Variants in CDKL3 observed in about 807,000 individuals in gnomAD.
The protein encoded by CDKL3 is cyclin-dependent kinase-like 3.
CDKL3 carries 65 observed loss-of-function variants against 69.3 expected under a neutral mutation model. That is an observed-to-expected ratio of 0.94 (90% confidence interval 0.77 to 1.15). The LOEUF (loss-of-function observed/expected upper bound fraction) is 1.15, where lower values mean the gene tolerates loss of function less well. Among genes scored for constraint, CDKL3 ranks in the 50% most tolerant of loss-of-function variants. The probability of loss-of-function intolerance (pLI) is 0.00; values close to 1 mark genes in which losing one functional copy is unlikely to be tolerated. For missense variants in CDKL3, 652 were observed against 689.2 expected, an observed-to-expected ratio of 0.95 and a Z score of 0.61; for synonymous variants, 202 against 221.6, an observed-to-expected ratio of 0.91 and a Z score of 0.79.
intron 4 of CDKL3, among the ~76,000 whole-genome samples, chr5:134,347,439 C>A (rs1381465388): frequency 1.3e-5 from 2 of 151,924 alleles, no homozygotes; most frequent in Non-Finnish European, 2.9e-5. Context: ...CATACAAAAA[C>A]AAGTTACACG....
At chr5:134,284,179 A>G (rs767797527), downstream of CDKL3, among the ~76,000 whole-genome samples, 1 of 152,148 alleles carries the variant, frequency 6.6e-6, no homozygotes, top group Non-Finnish European at 1.5e-5. Context: ...AGCCCCCAAT[A>G]TTTCAACGTA....
downstream of CDKL3, chr5:134,298,254 C>T (rs1016231010): frequency 3.0e-5 from 30 of 985,070 alleles, no homozygotes; most frequent in African/African-American, 8.7e-5. Context: ...TTTAAAACAA[C>T]GGCTCAAATA....
chr5:134,337,513 A>T (rs544196246), intron 4 of CDKL3, among the ~76,000 whole-genome samples: 1 of 152,210 alleles, frequency 6.6e-6, no homozygotes, highest in South Asian at 2.1e-4. Flanking sequence ...CTCCTTTCTT[A>T]AAACAAGTTA....
At chr5:134,329,947 T>C (rs1452415992) in intron 4 of CDKL3, among the ~76,000 whole-genome samples, 1 of 151,184 alleles carries the variant, frequency 6.6e-6, no homozygotes, top group African/African-American at 2.4e-5. Flanking sequence ...AAGGTGGAGA[T>C]TGCAGTGAGG....
chr5:134,299,763 T>C lies in CDKL3; in HGVS notation c.1720-1053A>G, dbSNP rs1048418705. The C allele has an allele frequency of 4.0e-6, 6 of 1,485,202 alleles. No homozygotes were observed. The Admixed American group carries it at 1.2e-4, about 29-fold the overall frequency. 92.0% of individuals were successfully genotyped at this position (1,485,202 alleles called of 1,614,324 possible). ...CATTTCCTGTATTCTAAAAAGTAAA[T>C]AGAAACAGGTCTTTAATTGAGGACA... On this transcript the variant is annotated intron_variant, in intron 12 of 12. Transcript: ENST00000265334.
intron 4 of CDKL3, among the ~76,000 whole-genome samples, chr5:134,323,614 T>G (rs939671612): frequency 6.6e-6 from 1 of 151,926 alleles, no homozygotes; most frequent in Non-Finnish European, 1.5e-5. Context: ...AATTGAATAA[T>G]AAGATAAAAA....
chr5:134,333,715 C>A (rs1447802828), intron 4 of CDKL3, among the ~76,000 whole-genome samples: 1 of 152,124 alleles, frequency 6.6e-6, no homozygotes, highest in African/African-American at 2.4e-5. Context: ...TTTGGTTTGC[C>A]AGTATTTTAT....
Position 134,332,200 on chromosome 5 carries a change from G to A in CDKL3, c.540-10297C>T, listed in dbSNP as rs545154415. 4.0e-4 allele frequency among the ~76,000 whole-genome samples: 61 copies of A among 152,222 alleles called. 1 individual carries two copies. Among genetic ancestry groups the A allele is most frequent in the Non-Finnish European group, 5.9e-5 (4 of 68,018 alleles). The stretch of plus-strand genomic sequence containing the variant: ...TGTAGATTCTGGATATTAGCCCTTT[G>A]TCAGATAGATAGATTGCAAAAATTT... On this transcript the variant is annotated intron_variant, in intron 4 of 12. Transcript: ENST00000265334.
intron 4 of CDKL3, among the ~76,000 whole-genome samples, chr5:134,329,810 T>C (rs1022974966): frequency 2.6e-4 from 40 of 152,158 alleles, no homozygotes; most frequent in African/African-American, 9.1e-4. Context: ...TTCAAAAAGT[T>C]CATGATAATG....
upstream of CDKL3, chr5:134,371,473 T>G (rs1467244886): frequency 2.0e-5 from 23 of 1,144,042 alleles, no homozygotes; most frequent in Middle Eastern, 3.0e-4. Context: ...TTTGTCAGTC[T>G]CGGCGGCGGC....
chr5:134,318,126 G>A (rs1271099134), intron 6 of CDKL3, among the ~76,000 whole-genome samples: 1 of 151,744 alleles, frequency 6.6e-6, no homozygotes, highest in Non-Finnish European at 1.5e-5. Context: ...GGCTGAGGCA[G>A]GAAAATTGCT....
intron 5 of CDKL3, among the ~76,000 whole-genome samples, chr5:134,321,285 T>C (rs1327967470): frequency 6.6e-6 from 1 of 152,166 alleles, no homozygotes; most frequent in East Asian, 1.9e-4. Context: ...GTGCAGGGAT[T>C]ACAGGTGTAA....
intron 4 of CDKL3, among the ~76,000 whole-genome samples, chr5:134,326,831 A>G (rs112576936): frequency 0.74 from 60,527 of 82,100 alleles, 20,463 homozygotes; most frequent in Non-Finnish European, 0.8. Flanking sequence ...ATATATATAT[A>G]TATATATATA....
chr5:134,364,138 T>C (rs1472342164), intron 2 of CDKL3, among the ~76,000 whole-genome samples: 2 of 152,122 alleles, frequency 1.3e-5, no homozygotes, highest in African/African-American at 4.8e-5. Flanking sequence ...AGGATGTAAA[T>C]AGATTCCAAT....
intron 10 of CDKL3, among the ~76,000 whole-genome samples, chr5:134,306,011 G>C (rs931522167): frequency 6.6e-6 from 1 of 152,072 alleles, no homozygotes; most frequent in African/African-American, 2.4e-5. Flanking sequence ...AAAACTTCTT[G>C]TGACTTTCAA....
intron 4 of CDKL3, among the ~76,000 whole-genome samples, chr5:134,342,289 TACAAA>T (rs1222268396): frequency 6.6e-6 from 1 of 152,166 alleles, no homozygotes; most frequent in Non-Finnish European, 1.5e-5. Context: ...CTTTGAAAAC[TACAAA>T]ACATTGTTGA....
intron 8 of CDKL3, among the ~76,000 whole-genome samples, chr5:134,292,576 G>T (rs1216319372): frequency 1.3e-5 from 2 of 151,584 alleles, no homozygotes; most frequent in African/African-American, 2.4e-5. Context: ...AAAATAAATA[G>T]AAAGAAGAAA....
rs115991948 is a variant in CDKL3 at position 134,345,321 on chromosome 5, G to T, written c.539+4928C>A. Among the ~76,000 whole-genome samples the T allele has an allele frequency of 5.1e-3, 774 of 152,216 alleles. 5 individuals carry two copies. The highest frequency in any genetic ancestry group is 0.018 in the African/African-American group (733 of 41,516). ...GCTGTTTTTAATAAAGACATAATAT[G>T]GCTGATACCAGGTCTGGGGCAACAA... is the stretch of plus-strand genomic sequence containing the variant. On this transcript the variant is annotated intron_variant, in intron 4 of 12. Transcript: ENST00000265334.
chr5:134,291,035 G>C (rs1275594534), intron 8 of CDKL3, among the ~76,000 whole-genome samples: 1 of 152,130 alleles, frequency 6.6e-6, no homozygotes, highest in African/African-American at 2.4e-5. Flanking sequence ...AAATAGAGCT[G>C]AAAGGATGAT....
Sources: allele counts gnomAD v4.1 joint callset (sites outside exome capture counted in the v4.1 genomes callset), GRCh38; gene constraint gnomAD v4.1.1; transcripts MANE v1.5; gene names NCBI Gene and HGNC (gene_info 2026-07-23, HGNC 2026-07-21).